Variants in PCDH7 observed in about 807,000 individuals in gnomAD.
PCDH7 encodes the protein protocadherin-7.
Under a neutral mutation model 58.9 loss-of-function variants are expected in PCDH7, and 17 were observed. That is an observed-to-expected ratio of 0.29 (90% confidence interval 0.20 to 0.43). The LOEUF (loss-of-function observed/expected upper bound fraction) is 0.43. Ranked by LOEUF, PCDH7 falls within the 20% of genes least tolerant of loss-of-function variation. PCDH7 has a pLI of 1.00. For synonymous variants in PCDH7, 664 were observed against 616.4 expected (o/e 1.08, Z -1.14); for missense variants, 1,274 against 1,441.0 (o/e 0.88, Z 1.88).
chr4:31,035,227 T>C (rs1161123891), intron 3 of PCDH7, among the ~76,000 whole-genome samples: 3 of 151,646 alleles, frequency 2.0e-5, no homozygotes, highest in African/African-American at 4.8e-5. Flanking sequence ...CAAGCATCTA[T>C]GTTTTTTTTC....
intron 1 of PCDH7, among the ~76,000 whole-genome samples, chr4:30,743,683 C>A (rs1228562717): frequency 6.6e-6 from 1 of 151,912 alleles, no homozygotes; most frequent in African/African-American, 2.4e-5. Context: ...ACATAGCATT[C>A]TCTGCTCCTT....
intron 1 of PCDH7, among the ~76,000 whole-genome samples, chr4:30,792,992 G>C (rs1724327538): frequency 6.6e-6 from 1 of 152,060 alleles, no homozygotes. Flanking sequence ...ATTGAAACCT[G>C]ATTGTTAAAG....
At chr4:30,863,400 G>A (rs1329460588) in intron 1 of PCDH7, among the ~76,000 whole-genome samples, 2 of 152,036 alleles carry the variant, frequency 1.3e-5, no homozygotes, top group African/African-American at 4.8e-5. Context: ...GCATCTAGTG[G>A]GTGGAGGGTA....
intron 1 of PCDH7, among the ~76,000 whole-genome samples, chr4:30,806,449 C>A (rs888365615): frequency 6.6e-6 from 1 of 152,032 alleles, no homozygotes. Context: ...GGACTAGGTG[C>A]ATGCCACCAT....
intron 1 of PCDH7, among the ~76,000 whole-genome samples, chr4:30,792,827 G>A (rs1724305455): frequency 6.6e-6 from 1 of 152,122 alleles, no homozygotes; most frequent in African/African-American, 2.4e-5. Flanking sequence ...GAAAGAAGCA[G>A]ACATTTGGTA....
rs114291845 is a variant in PCDH7 at position 30,756,556 on chromosome 4, C to T, written c.70+31960C>T. Among the ~76,000 whole-genome samples the T allele has an allele frequency of 5.4e-3, 816 of 152,286 alleles. 3 individuals carry two copies. The highest frequency in any genetic ancestry group is 8.9e-3 in the Non-Finnish European group (602 of 68,008). ...TTGTGCTGACACCCCGAATACGGTA[C>T]AACCTCTTCTTATCTTTCATGTTTC... On this transcript the variant is annotated intron_variant, in intron 1 of 3. Coordinates refer to the PCDH7 transcript ENST00000509759.
At chr4:30,901,245 G>T (rs1215535119) in intron 1 of PCDH7, among the ~76,000 whole-genome samples, 7 of 152,100 alleles carry the variant, frequency 4.6e-5, no homozygotes, top group Non-Finnish European at 7.4e-5. Context: ...TTTATAATAA[G>T]TCACATTTAC....
At chr4:30,894,516 TACACACACACACAC>T (rs55942705) in intron 1 of PCDH7, among the ~76,000 whole-genome samples, 64 of 32,172 alleles carry the variant, frequency 2.0e-3, no homozygotes, top group African/African-American at 6.4e-3. Context: ...TATATATATA[TACACACACACACAC>T]ACACACACAC....
chr4:30,857,026 A>G (rs1218436631), intron 1 of PCDH7, among the ~76,000 whole-genome samples: 1 of 152,060 alleles, frequency 6.6e-6, no homozygotes, highest in Non-Finnish European at 1.5e-5. Context: ...GGAGGTTGAA[A>G]TAGAGATGTA....
At chr4:30,845,401 A>G (rs1484548056) in intron 1 of PCDH7, among the ~76,000 whole-genome samples, 1 of 152,146 alleles carries the variant, frequency 6.6e-6, no homozygotes, top group African/African-American at 2.4e-5. Context: ...TATATGTTTT[A>G]ACTTGTGGAG....
chr4:30,766,370 T>G (rs532105428), intron 1 of PCDH7, among the ~76,000 whole-genome samples: 1 of 152,146 alleles, frequency 6.6e-6, no homozygotes, highest in South Asian at 2.1e-4. Flanking sequence ...TCTAAAAAAA[T>G]TTTCTTTGAA....
exon 2 of PCDH7, chr4:30,731,515 AT>A (rs1715500057): frequency 6.6e-6 from 1 of 152,068 alleles, no homozygotes; most frequent in Admixed American, 6.6e-5. Context: ...TATTTATATC[AT>A]TTTTGAATTT....
At chr4:31,108,673 G>T (rs1031208075) in intron 3 of PCDH7, among the ~76,000 whole-genome samples, 1 of 152,144 alleles carries the variant, frequency 6.6e-6, no homozygotes, top group Non-Finnish European at 1.5e-5. Context: ...TTAGAAGATG[G>T]CTGGTGTAAA....
chr4:30,885,290 C>T (rs1472548565), intron 1 of PCDH7: 1 of 152,176 alleles, frequency 6.6e-6, no homozygotes, highest in Non-Finnish European at 1.5e-5. Flanking sequence ...GCCTCAGTTC[C>T]ACTTCTGGCT....
chr4:31,112,487 C>T (rs2109312947), intron 3 of PCDH7, among the ~76,000 whole-genome samples: 2 of 152,272 alleles, frequency 1.3e-5, no homozygotes, highest in Middle Eastern at 6.8e-3. Flanking sequence ...TTAATCTCTA[C>T]TTAACATCTT....
chr4:30,732,671 G>A (rs1014307334), exon 2 of PCDH7: 1 of 152,086 alleles, frequency 6.6e-6, no homozygotes, highest in African/African-American at 2.4e-5. Flanking sequence ...GTGTGTTTCT[G>A]TTCTCGGTTG....
At chr4:30,983,911 GC>G (rs1750766639) in intron 3 of PCDH7, among the ~76,000 whole-genome samples, 1 of 152,082 alleles carries the variant, frequency 6.6e-6, no homozygotes, top group South Asian at 2.1e-4. Context: ...CTGTCATAGT[GC>G]TCCACACCAC....
At chr4:30,984,498 T>C (rs1229866151) in intron 3 of PCDH7, among the ~76,000 whole-genome samples, 4 of 152,200 alleles carry the variant, frequency 2.6e-5, no homozygotes, top group Non-Finnish European at 5.9e-5. Context: ...CATAAGGAAG[T>C]TGGACTCACT....
intron 1 of PCDH7, among the ~76,000 whole-genome samples, chr4:30,894,973 T>G (rs1339679006): frequency 6.6e-6 from 1 of 152,036 alleles, no homozygotes; most frequent in South Asian, 2.1e-4. Context: ...TCAATTATAC[T>G]TATTATTATT....
Sources: allele counts gnomAD v4.1 joint callset (sites outside exome capture counted in the v4.1 genomes callset), GRCh38; gene constraint gnomAD v4.1.1; transcripts MANE v1.5; gene names NCBI Gene and HGNC (gene_info 2026-07-23, HGNC 2026-07-21).